Variants in TSR1 observed in about 807,000 individuals in gnomAD.
The protein encoded by TSR1 is TSR1 ribosome maturation factor, also known as pre-rRNA-processing protein TSR1 homolog.
In TSR1, 81 loss-of-function variants were observed where a neutral mutation model predicts 90.9. The observed-to-expected ratio is 0.89, with a 90% CI of 0.74 to 1.07. TSR1 has a LOEUF of 1.07. TSR1 is among the 50% of genes least tolerant of loss of function. The pLI is 0.00. For synonymous variants in TSR1, 362 were observed against 348.8 expected (o/e 1.04, Z -0.42); for missense variants, 989 against 987.3 (o/e 1.00, Z -0.02).
Position 2,333,570 on chromosome 17 carries a change from C to T in TSR1, c.1128G>A (p.Leu376=). Residue 376 remains leucine (L), a synonymous_variant, in exon 6 of 15, where the codon CTG becomes CTA. Coordinates refer to ENST00000301364, the MANE Select transcript of TSR1 (RefSeq NM_018128.5). ...ACCAATACTGACCCTTTGCCTCGCT[C>T]AGCTCCTCCTCAGTGGGCCAGGTTT... ...GEQTWPTEEE[L]SEAKDFLKES... is the part of the protein sequence containing the mutation. 1 of 1,614,084 alleles carries T rather than the reference C, an allele frequency of 6.2e-7. No individual in the cohort carries two copies. The highest frequency in any genetic ancestry group is 1.3e-5 in the African/African-American group (1 of 75,030).
Position 2,333,679 on chromosome 17 carries a change from C to T in TSR1, c.1019G>A (p.Gly340Asp). Residue 340 changes from glycine (G) to aspartate (D), a missense_variant, in exon 6 of 15, where the codon GGT (glycine) becomes GAT (aspartate). Physicochemically the swap from Gly to Asp is moderately conservative, Grantham distance 94 (BLOSUM62 -1). Coordinates refer to ENST00000301364, the MANE Select transcript of TSR1 (RefSeq NM_018128.5). Reference protein sequence around the residue: ...ATDAVDDMEEGLKVLMKADPG... With the variant: ...ATDAVDDMEEDLKVLMKADPG... ...GTCTGCCTTCATTAGGACTTTAAGA[C>T]CTTCTTCCATATCATCTACAGCATC... The T allele has an allele frequency of 6.2e-7, 1 of 1,614,118 alleles. No individual in the cohort carries two copies. Among genetic ancestry groups the T allele is most frequent in the Non-Finnish European group, 8.5e-7 (1 of 1,180,034 alleles).
rs139064559 is a variant in TSR1 at position 2,324,277 on chromosome 17, A to T, written c.2334T>A (p.Thr778=). The change falls in exon 15 of 15, where the codon ACT becomes ACA. Residue 778 remains threonine, a synonymous_variant. Coordinates refer to ENST00000301364, the MANE Select transcript of TSR1 (RefSeq NM_018128.5). ...NLYKRVFPKW[T]YDPYVPEPVP... is the part of the protein sequence containing the mutation. The stretch of plus-strand genomic sequence containing the variant: ...CTGGTTCTGGTACATATGGATCATA[A>T]GTCCATTTGGGGAAGACTCGTTTAT... 2,678 of 1,554,974 alleles carry T rather than the reference A, an allele frequency of 1.7e-3. 10 individuals are homozygous for T. Among genetic ancestry groups the T allele is most frequent in the South Asian group, 5.5e-3 (442 of 79,848 alleles).
chr17:2,330,701 T>C (rs757051744), intron 9 of TSR1, 76 bp from the exon 10 acceptor site: 3 of 1,442,150 alleles, frequency 2.1e-6, no homozygotes, highest in Non-Finnish European at 2.9e-6. Context: ...TCTCCAAATA[T>C]GTTGAGTCTC....
chr17:2,333,984 T>C (rs190468973), intron 5 of TSR1, among the ~76,000 whole-genome samples: 1 of 152,250 alleles, frequency 6.6e-6, no homozygotes, highest in East Asian at 1.9e-4. Context: ...TTCTTCAAGG[T>C]TCACATAAAC....
chr17:2,329,896 A>C (rs141462018), intron 10 of TSR1, among the ~76,000 whole-genome samples: 48 of 151,950 alleles, frequency 3.2e-4, no homozygotes, highest in African/African-American at 1.2e-3. Flanking sequence ...CCACCAAGAG[A>C]AAAGAGATCT....
At chr17:2,332,064 A>C (rs2064008479) in intron 8 of TSR1, 105 bp downstream of exon 8, 1 of 1,329,762 alleles carries the variant, frequency 7.5e-7, no homozygotes, top group South Asian at 1.3e-5. Context: ...CAGGAGCAGA[A>C]AAAATGTGTT....
chr17:2,326,845 CTG>C (rs1482841327), intron 11 of TSR1, among the ~76,000 whole-genome samples: 33 of 152,316 alleles, frequency 2.2e-4, no homozygotes, highest in Admixed American at 6.5e-5. Context: ...TGGCTCATGC[CTG>C]TAATCCCAGC....
At position 2,330,407 on chromosome 17, in the gene TSR1, T is replaced by C. The variant is rs778193220; in HGVS notation, c.1770+108A>G. Reference sequence around the variant, plus strand: ...TTCCTAATCATAAAGGCAGACTTTTTGCATCCCAATGAGCAAAATTTTAGT... The same window carrying C: ...TTCCTAATCATAAAGGCAGACTTTTCGCATCCCAATGAGCAAAATTTTAGT... On this transcript the variant is annotated intron_variant, in intron 10 of 14. Coordinates refer to ENST00000301364, the MANE Select transcript of TSR1 (RefSeq NM_018128.5). 1.6e-5 allele frequency: 15 copies of C among 913,384 alleles called. No individual in the cohort carries two copies. In the South Asian group the frequency reaches 2.0e-4, roughly 12 times the overall value. 56.6% of individuals were successfully genotyped at this position (913,384 alleles called of 1,614,324 possible).
At chr17:2,335,756 C>A in intron 2 of TSR1, 26 bp from the exon 3 acceptor site, 1 of 1,604,682 alleles carries the variant, frequency 6.2e-7, no homozygotes, top group Non-Finnish European at 8.5e-7. Flanking sequence ...TATCCGAGAA[C>A]ATCTCAGTGT....
chr17:2,324,836 G>T lies in TSR1; in HGVS notation c.2021-7C>A. On this transcript the variant is annotated splice_polypyrimidine_tract_variant and splice_region_variant and intron_variant, in intron 12 of 14. Coordinates refer to ENST00000301364, the MANE Select transcript of TSR1 (RefSeq NM_018128.5). ...GCAATGAGGCTGTGCATTCCTAAAG[G>T]ACAAAAGCAAAGAAGCTATTTAGGA... 6.2e-7 allele frequency: 1 copy of T among 1,601,800 alleles called. No homozygotes were observed. Among genetic ancestry groups the T allele is most frequent in the Middle Eastern group, 1.7e-4 (1 of 5,986 alleles).
At chr17:2,327,166 C>T (rs1478013572) in intron 11 of TSR1, among the ~76,000 whole-genome samples, 1 of 151,802 alleles carries the variant, frequency 6.6e-6, no homozygotes, top group African/African-American at 2.4e-5. Flanking sequence ...CTATAAATCC[C>T]AGCACTTTGG....
chr17:2,325,766 C>T (rs2075572999), intron 11 of TSR1, among the ~76,000 whole-genome samples: 1 of 152,006 alleles, frequency 6.6e-6, no homozygotes, highest in Non-Finnish European at 1.5e-5. Context: ...GCACATGCCA[C>T]CACGCCCGGC....
At chr17:2,333,495 C>T in intron 6 of TSR1, 62 bp downstream of exon 6, 2 of 1,606,824 alleles carry the variant, frequency 1.2e-6, no homozygotes, top group East Asian at 2.2e-5. Context: ...TCACTTGGAA[C>T]AGCTACAGAA....
At chr17:2,332,858 T>C in intron 7 of TSR1, 103 bp downstream of exon 7, 2 of 1,184,366 alleles carry the variant, frequency 1.7e-6, no homozygotes, top group Non-Finnish European at 2.3e-6. Flanking sequence ...ATAAAAAAAA[T>C]AAAAAAAAGA....
At chr17:2,330,851 C>T in intron 9 of TSR1, 96 bp downstream of exon 9, 1 of 1,418,186 alleles carries the variant, frequency 7.1e-7, no homozygotes, top group Non-Finnish European at 9.5e-7. Flanking sequence ...CCCTAATCCC[C>T]AAATGCAGCA....
Position 2,336,417 on chromosome 17 carries a change from T to C in TSR1, c.11A>G (p.His4Arg). 1 of 1,610,766 alleles carries C rather than the reference T, an allele frequency of 6.2e-7. No individual in the cohort carries two copies. Among genetic ancestry groups the C allele is most frequent in the Non-Finnish European group, 8.5e-7 (1 of 1,179,880 alleles). The change falls in exon 1 of 15, where the codon CAC (histidine) becomes CGC (arginine). Residue 4 changes from histidine to arginine, a missense_variant. Physicochemically the swap from His to Arg is conservative, Grantham distance 29. Transcript: ENST00000301364. Reference protein sequence around the residue: MAAHRPGPLKQQNK... With the variant: MAARRPGPLKQQNK... ...CTGCTGCTTGAGCGGGCCGGGGCGG[T>C]GGGCCGCCATGCCGCAGCGCGCGTG... is the stretch of plus-strand genomic sequence containing the variant.
Position 2,335,403 on chromosome 17 carries a change from A to G in TSR1, c.422-9T>C. The G allele has an allele frequency of 1.2e-6, 2 of 1,612,950 alleles. No homozygotes were observed. Among genetic ancestry groups the G allele is most frequent in the Non-Finnish European group, 1.7e-6 (2 of 1,179,662 alleles). On this transcript the variant is annotated splice_polypyrimidine_tract_variant and intron_variant, in intron 3 of 14. Coordinates refer to ENST00000301364, the MANE Select transcript of TSR1 (RefSeq NM_018128.5). ...CACAACGTGCAGATCCCCTGCAGATAGAAGACACAGTAAGAAGAGGTGGTT... is the reference window on the plus strand; with the variant it reads ...CACAACGTGCAGATCCCCTGCAGATGGAAGACACAGTAAGAAGAGGTGGTT...
intron 11 of TSR1, among the ~76,000 whole-genome samples, chr17:2,326,289 C>A (rs2075575629): frequency 6.6e-6 from 1 of 152,178 alleles, no homozygotes; most frequent in Non-Finnish European, 1.5e-5. Context: ...ATACTGCTTT[C>A]TTCATATTCC....
chr17:2,330,201 G>A (rs2075596734), intron 10 of TSR1: 4 of 498,796 alleles, frequency 8.0e-6, no homozygotes, highest in South Asian at 3.0e-5. Flanking sequence ...GATTACAGGC[G>A]TGAGCCGCCG....
Sources: gnomAD v4.1 joint callset for allele counts (sites outside exome capture counted in the v4.1 genomes callset) on GRCh38, gnomAD v4.1.1 for gene constraint, MANE v1.5 for transcripts, NCBI Gene and HGNC (gene_info 2026-07-23, HGNC 2026-07-21) for gene names.